Variants in BMPR1A observed in about 807,000 individuals in gnomAD.
BMPR1A encodes the protein bone morphogenetic protein receptor type-1A.
In BMPR1A, 7 loss-of-function variants were observed where a neutral mutation model predicts 66.0. That is an observed-to-expected ratio of 0.11 (90% CI 0.06 to 0.20). The LOEUF (loss-of-function observed/expected upper bound fraction) is 0.20, where lower values mean the gene tolerates loss of function less well. BMPR1A is among the 10% of genes least tolerant of loss of function. BMPR1A has a pLI of 1.00. For synonymous variants in BMPR1A, 200 were observed against 229.7 expected (o/e 0.87, Z 1.17); for missense variants, 408 against 669.1 (o/e 0.61, Z 4.31).
In BMPR1A at chr10:86,758,736, T is replaced by C. The variant is rs61858563; in HGVS notation, c.-268+1817T>C. ...TCTGCTTTTCCTGCCTTTGCCTGGT[T>C]GGTGGCTAGCCACTCATTTCTTAAC... On this transcript the variant is annotated intron_variant, in intron 1 of 12. Coordinates refer to ENST00000372037, the MANE Select transcript of BMPR1A (RefSeq NM_004329.3). 6.4e-3 allele frequency among the ~76,000 whole-genome samples: 980 copies of C among 152,372 alleles called. 4 individuals are homozygous for C. Among genetic ancestry groups the C allele is most frequent in the Non-Finnish European group, 9.2e-3 (624 of 68,036 alleles).
In BMPR1A at chr10:86,790,188, A is replaced by AAT. The variant is rs1228412063; in HGVS notation, c.-268+33316_-268+33317dup. Among the ~76,000 whole-genome samples the AAT allele has an allele frequency of 5.4e-3, 109 of 20,268 alleles. 1 individual carries two copies. Among genetic ancestry groups the AAT allele is most frequent in the African/African-American group, 7.0e-3 (22 of 3,140 alleles). 13.3% of individuals were successfully genotyped at this position (20,268 alleles called of 152,430 possible). ...AAAAAAAAAAAAAAAAAAAAAAAAA[A>AAT]ATATATATATATATATATATATATA... is the stretch of plus-strand genomic sequence containing the variant. On this transcript the variant is annotated intron_variant, in intron 1 of 12. Transcript: ENST00000372037.
At chr10:86,807,948 G>T (rs921471468) in intron 1 of BMPR1A, among the ~76,000 whole-genome samples, 6 of 152,144 alleles carry the variant, frequency 3.9e-5, no homozygotes, top group African/African-American at 1.4e-4. Flanking sequence ...TGTATTTTTA[G>T]TAGAGACGGG....
intron 1 of BMPR1A, among the ~76,000 whole-genome samples, chr10:86,762,598 A>C (rs1237683351): frequency 6.6e-6 from 1 of 152,098 alleles, no homozygotes; most frequent in Non-Finnish European, 1.5e-5. Flanking sequence ...ACCTCAGGTG[A>C]TCCTTCCGCC....
intron 1 of BMPR1A, among the ~76,000 whole-genome samples, chr10:86,830,299 C>T (rs1205494662): frequency 2.0e-5 from 3 of 152,138 alleles, no homozygotes; most frequent in African/African-American, 4.8e-5. Flanking sequence ...GGGTTCTTTG[C>T]TAAAACAGGA....
At chr10:86,779,668 C>T (rs2132701400) in intron 1 of BMPR1A, among the ~76,000 whole-genome samples, 1 of 152,178 alleles carries the variant, frequency 6.6e-6, no homozygotes, top group East Asian at 1.9e-4. Context: ...GGCCTGATCA[C>T]TGTCCACTCT....
At chr10:86,919,956 A>G (rs920992172) in intron 10 of BMPR1A, among the ~76,000 whole-genome samples, 3 of 152,014 alleles carry the variant, frequency 2.0e-5, no homozygotes, top group African/African-American at 4.8e-5. Flanking sequence ...GATCCTCCCA[A>G]AGTGCTGGGA....
In BMPR1A at chr10:86,925,721, C is replaced by CTTTTTTTTTTTG. The variant is rs1843730396; in HGVS notation, c.*2013_*2014insGTTTTTTTTTTT. 1 of 116,306 alleles carries CTTTTTTTTTTTG rather than the reference C, an allele frequency of 8.6e-6. No individual in the cohort carries two copies. The highest frequency in any genetic ancestry group is 3.0e-4 in the East Asian group (1 of 3,368). The allele number at this position is 116,306 out of a possible 1,614,324, so 7.2% of individuals were successfully genotyped here. ...CATAATCTTTAAAATCATTTGTCATCTTTTTTTTTTTTTTTTTGAGACGGA... is the reference window on the plus strand; with the variant it reads ...CATAATCTTTAAAATCATTTGTCATCTTTTTTTTTTTGTTTTTTTTTTTTTTTTTGAGACGGA... On this transcript the variant is annotated 3_prime_UTR_variant, in exon 13 of 13. Transcript: ENST00000372037.
intron 4 of BMPR1A, among the ~76,000 whole-genome samples, chr10:86,891,296 G>C (rs1843147289): frequency 6.6e-6 from 1 of 152,170 alleles, no homozygotes; most frequent in Non-Finnish European, 1.5e-5. Flanking sequence ...TGTAGTACCT[G>C]CCTGATGTAA....
intron 1 of BMPR1A, among the ~76,000 whole-genome samples, chr10:86,787,578 A>G (rs1841534484): frequency 6.6e-6 from 1 of 152,244 alleles, no homozygotes; most frequent in Non-Finnish European, 1.5e-5. Flanking sequence ...TGACAGAAGT[A>G]TGTAATATGA....
At chr10:86,846,740 C>T (rs1325379688) in intron 2 of BMPR1A, among the ~76,000 whole-genome samples, 3 of 151,994 alleles carry the variant, frequency 2.0e-5, no homozygotes, top group African/African-American at 7.2e-5. Flanking sequence ...AACCACACAC[C>T]CACTTGCTTC....
At chr10:86,771,773 A>C (rs1841265786) in intron 1 of BMPR1A, among the ~76,000 whole-genome samples, 2 of 152,060 alleles carry the variant, frequency 1.3e-5, no homozygotes, top group Non-Finnish European at 2.9e-5. Context: ...TGATTGATTG[A>C]TTGAAGCAGG....
intron 1 of BMPR1A, among the ~76,000 whole-genome samples, chr10:86,793,246 T>C (rs1469596745): frequency 6.6e-6 from 1 of 152,068 alleles, no homozygotes; most frequent in Non-Finnish European, 1.5e-5. Context: ...AAGTATAGCA[T>C]TGGGCCAGAA....
intron 1 of BMPR1A, among the ~76,000 whole-genome samples, chr10:86,785,689 G>A (rs1025800416): frequency 6.6e-6 from 1 of 152,166 alleles, no homozygotes; most frequent in Non-Finnish European, 1.5e-5. Flanking sequence ...CTCTCCGGTG[G>A]TTCTGTCCAT....
chr10:86,882,456 A>G (rs1288967263), intron 3 of BMPR1A, among the ~76,000 whole-genome samples: 1 of 151,986 alleles, frequency 6.6e-6, no homozygotes, highest in Non-Finnish European at 1.5e-5. Context: ...AGAATACTTC[A>G]TTTCAAACAT....
chr10:86,864,977 C>CA (rs1842764124), intron 2 of BMPR1A, among the ~76,000 whole-genome samples: 1 of 152,128 alleles, frequency 6.6e-6, no homozygotes, highest in South Asian at 2.1e-4. Flanking sequence ...ATACCACCCC[C>CA]CAAAAATTTT....
intron 4 of BMPR1A, 105 bp downstream of exon 4, chr10:86,890,329 TATA>T: frequency 7.2e-7 from 1 of 1,393,652 alleles, no homozygotes; most frequent in Admixed American, 1.9e-5. Flanking sequence ...TTCATTCATA[TATA>T]GTATCTTTCC....
intron 1 of BMPR1A, among the ~76,000 whole-genome samples, chr10:86,757,740 C>T (rs887830199): frequency 6.6e-6 from 1 of 152,126 alleles, no homozygotes. Context: ...TCATTTAATC[C>T]TTACAACGAT....
chr10:86,853,854 G>GGAC (rs1842604957), intron 2 of BMPR1A, among the ~76,000 whole-genome samples: 1 of 152,196 alleles, frequency 6.6e-6, no homozygotes, highest in Non-Finnish European at 1.5e-5. Context: ...CAGGACCACA[G>GGAC]GACGGGGCGA....
rs1451810754 is a variant in BMPR1A at position 86,790,183 on chromosome 10, AAAAAAAT to A, written c.-268+33266_-268+33272del. Among the ~76,000 whole-genome samples, 86 of 39,580 alleles carry A rather than the reference AAAAAAAT, an allele frequency of 2.2e-3. 6 individuals are homozygous for A. The highest frequency in any genetic ancestry group is 0.014 in the African/African-American group (86 of 5,952). 26.0% of individuals were successfully genotyped at this position (39,580 alleles called of 152,430 possible). ...TCTCCAAAAAAAAAAAAAAAAAAAA[AAAAAAAT>A]ATATATATATATATATATATATATA... is the stretch of plus-strand genomic sequence containing the variant. On this transcript the variant is annotated intron_variant, in intron 1 of 12. Coordinates refer to ENST00000372037, the MANE Select transcript of BMPR1A (RefSeq NM_004329.3).
Sources: allele counts gnomAD v4.1 joint callset (sites outside exome capture counted in the v4.1 genomes callset), GRCh38; gene constraint gnomAD v4.1.1; transcripts MANE v1.5; gene names NCBI Gene and HGNC (gene_info 2026-07-23, HGNC 2026-07-21).